Variants in PRKG1 observed in about 807,000 individuals in gnomAD.
PRKG1 encodes the protein cGMP-dependent protein kinase 1.
PRKG1 carries 35 observed loss-of-function variants against 88.1 expected under a neutral mutation model. The ratio of observed to expected loss-of-function variants is 0.40; its 90% CI spans 0.30 to 0.53. The LOEUF is 0.53. Among genes scored for constraint, PRKG1 ranks in the 20% least tolerant of loss-of-function variants. The pLI, the probability that PRKG1 is intolerant of heterozygous loss-of-function variation, is 0.59. For missense variants in PRKG1, 540 were observed against 839.8 expected, an observed-to-expected ratio of 0.64 and a Z score of 4.41; for synonymous variants, 303 against 292.5, an observed-to-expected ratio of 1.04 and a Z score of -0.37.
intron 3 of PRKG1, among the ~76,000 whole-genome samples, chr10:51,803,150 G>C (rs1050917958): frequency 6.6e-6 from 1 of 151,984 alleles, no homozygotes; most frequent in African/African-American, 2.4e-5. Flanking sequence ...AAGTAAAAGG[G>C]TATTGTAGAA....
intron 8 of PRKG1, among the ~76,000 whole-genome samples, chr10:52,140,806 G>A (rs1837558872): frequency 8.3e-6 from 1 of 120,280 alleles, no homozygotes; most frequent in Admixed American, 9.0e-5. Flanking sequence ...GAAGGAACAT[G>A]CACCCAATGG....
At chr10:51,024,262 G>A (rs1218639561) in intron 1 of PRKG1, among the ~76,000 whole-genome samples, 3 of 152,182 alleles carry the variant, frequency 2.0e-5, no homozygotes, top group South Asian at 2.1e-4. Flanking sequence ...TAATCACTAC[G>A]GTTTTTTTTA....
chr10:51,857,654 C>T (rs1342464499), intron 4 of PRKG1, among the ~76,000 whole-genome samples: 1 of 151,996 alleles, frequency 6.6e-6, no homozygotes, highest in Admixed American at 6.6e-5. Flanking sequence ...TATTTTTTTC[C>T]AGGGCAATCA....
intron 2 of PRKG1, among the ~76,000 whole-genome samples, chr10:51,304,435 T>A (rs1427534886): frequency 6.6e-6 from 1 of 152,140 alleles, no homozygotes. Flanking sequence ...ATACTAGGGA[T>A]TGGACTTTCT....
At chr10:51,071,670 A>G (rs1341648937), upstream of PRKG1, among the ~76,000 whole-genome samples, 1 of 152,194 alleles carries the variant, frequency 6.6e-6, no homozygotes, top group East Asian at 1.9e-4. Context: ...TACATAATTT[A>G]GTGTAAAAAA....
intron 2 of PRKG1, among the ~76,000 whole-genome samples, chr10:51,447,322 G>GC (rs1208681083): frequency 6.6e-6 from 1 of 151,982 alleles, no homozygotes; most frequent in Non-Finnish European, 1.5e-5. Context: ...AACTCTCCCA[G>GC]TGACTGTATA....
At chr10:51,628,819 C>T (rs1263553072) in intron 3 of PRKG1, among the ~76,000 whole-genome samples, 8 of 151,502 alleles carry the variant, frequency 5.3e-5, no homozygotes, top group African/African-American at 2.4e-5. Context: ...ATTAGCCGGG[C>T]GCGGTGGCGG....
Position 51,398,213 on chromosome 10 carries a change from G to C in PRKG1, c.479-69510G>C, listed in dbSNP as rs114555946. Reference sequence around the variant, plus strand: ...GTTTTTCCATGGGACAGGGTTGGGTGGGGGGATGGTTTCAGGATGAAACTG... The same window carrying C: ...GTTTTTCCATGGGACAGGGTTGGGTCGGGGGATGGTTTCAGGATGAAACTG... On this transcript the variant is annotated intron_variant, in intron 2 of 17. Transcript: ENST00000373980. Among the ~76,000 whole-genome samples the C allele has an allele frequency of 2.5e-3, 384 of 152,264 alleles. 5 individuals carry two copies. The highest frequency in any genetic ancestry group is 8.8e-3 in the African/African-American group (367 of 41,534).
intron 3 of PRKG1, among the ~76,000 whole-genome samples, chr10:51,745,979 G>A (rs1402198518): frequency 1.3e-5 from 2 of 152,152 alleles, no homozygotes; most frequent in African/African-American, 2.4e-5. Context: ...CAAGTTGCTC[G>A]ACTACAGGCA....
At chr10:51,239,119 G>A (rs1182290871) in intron 2 of PRKG1, among the ~76,000 whole-genome samples, 2 of 152,242 alleles carry the variant, frequency 1.3e-5, no homozygotes, top group Non-Finnish European at 2.9e-5. Context: ...TCGGACAGCT[G>A]CTCTGTAGAA....
chr10:52,267,832 T>C (rs542561948), intron 10 of PRKG1, among the ~76,000 whole-genome samples: 11 of 152,216 alleles, frequency 7.2e-5, no homozygotes, highest in African/African-American at 2.6e-4. Context: ...CCATAATTTA[T>C]TTTTCAAGCT....
chr10:51,458,698 T>G (rs1348542), intron 2 of PRKG1, among the ~76,000 whole-genome samples: 28,476 of 152,062 alleles, frequency 0.19, 3,175 homozygotes, highest in East Asian at 0.54. Flanking sequence ...CTAAGAGCCA[T>G]GACAAAGCTA....
At chr10:51,682,782 A>G (rs1564604594) in intron 3 of PRKG1, among the ~76,000 whole-genome samples, 2 of 152,204 alleles carry the variant, frequency 1.3e-5, no homozygotes, top group Non-Finnish European at 1.5e-5. Context: ...GAACACAGGC[A>G]GAGATTGAGC....
At chr10:51,023,072 C>T (rs1843161411) in intron 1 of PRKG1, among the ~76,000 whole-genome samples, 1 of 152,146 alleles carries the variant, frequency 6.6e-6, no homozygotes, top group Admixed American at 6.6e-5. Context: ...GGCAGCCTGA[C>T]TAAGTAGAAA....
chr10:51,730,045 G>T lies in PRKG1; in HGVS notation c.593-74540G>T, dbSNP rs538773031. On this transcript the variant is annotated intron_variant, in intron 3 of 17. Transcript: ENST00000373980. ...CCCAAAGTCCATAGTTTACATTAGGGTTCACTTGTGGTGTTATGCATTATA... is the reference window on the plus strand; with the variant it reads ...CCCAAAGTCCATAGTTTACATTAGGTTTCACTTGTGGTGTTATGCATTATA... Among the ~76,000 whole-genome samples, 50 of 152,260 alleles carry T rather than the reference G, an allele frequency of 3.3e-4. No individual in the cohort carries two copies. In the South Asian group the frequency reaches 0.01, roughly 31 times the overall value.
At chr10:51,938,639 T>C (rs1278068213) in intron 5 of PRKG1, among the ~76,000 whole-genome samples, 2 of 151,960 alleles carry the variant, frequency 1.3e-5, no homozygotes, top group Admixed American at 6.6e-5. Flanking sequence ...CTCACCCCTC[T>C]TCCCACTGAG....
At chr10:51,195,189 C>T (rs1370268804) in intron 2 of PRKG1, among the ~76,000 whole-genome samples, 2 of 152,196 alleles carry the variant, frequency 1.3e-5, no homozygotes, top group Non-Finnish European at 2.9e-5. Context: ...AATAAATCCA[C>T]ATTTGATTCT....
At chr10:52,279,951 C>G (rs1368659259) in intron 12 of PRKG1, among the ~76,000 whole-genome samples, 2 of 151,878 alleles carry the variant, frequency 1.3e-5, no homozygotes, top group Non-Finnish European at 2.9e-5. Flanking sequence ...ACGTTCTGCC[C>G]TAGAACAAAG....
rs74387897 is a variant in PRKG1 at position 51,417,589 on chromosome 10, A to G, written c.479-50134A>G. ...AACCATAGAATTGTAGGGAATGAGT[A>G]AAGTGAAAAATTGTAGAACATAGTA... is the stretch of plus-strand genomic sequence containing the variant. On this transcript the variant is annotated intron_variant, in intron 2 of 17. Coordinates refer to ENST00000373980, the MANE Select transcript of PRKG1 (RefSeq NM_006258.4). Among the ~76,000 whole-genome samples, 27 of 152,276 alleles carry G rather than the reference A, an allele frequency of 1.8e-4. No homozygotes were observed. The East Asian group carries it at 5.2e-3, about 29-fold the overall frequency.
Sources: gnomAD v4.1 joint callset for allele counts (sites outside exome capture counted in the v4.1 genomes callset) on GRCh38, gnomAD v4.1.1 for gene constraint, MANE v1.5 for transcripts, NCBI Gene and HGNC (gene_info 2026-07-23, HGNC 2026-07-21) for gene names.